ZNF443: variants seen among roughly 807,000 people sequenced by gnomAD.
The protein encoded by ZNF443 is Kruppel-type zinc finger (C2H2).
A neutral mutation model predicts 12.0 loss-of-function variants in ZNF443; 3 were observed. That is an observed-to-expected ratio of 0.25 (90% CI 0.11 to 0.64). The LOEUF (loss-of-function observed/expected upper bound fraction) is 0.64. ZNF443 is among the 30% of genes least tolerant of loss of function. The pLI is 0.84. For synonymous variants in ZNF443, 225 were observed against 265.9 expected, an observed-to-expected ratio of 0.85 and a Z score of 1.50; for missense variants, 770 against 808.8, an observed-to-expected ratio of 0.95 and a Z score of 0.58.
chr19:12,433,674 T>C (rs1480023036), intron 1 of ZNF443, among the ~76,000 whole-genome samples: 1 of 151,856 alleles, frequency 6.6e-6, no homozygotes, highest in African/African-American at 2.4e-5. Context: ...GTGCCTAAAT[T>C]GTTCATGCAA....
At chr19:12,437,424 C>G (rs62110705) in intron 1 of ZNF443, among the ~76,000 whole-genome samples, 47,303 of 144,844 alleles carry the variant, frequency 0.33, 8,172 homozygotes, top group South Asian at 0.47. Context: ...AAAAAAGAAA[C>G]AAAGAAACAA....
At position 12,431,520 on chromosome 19, in the gene ZNF443, TTC is replaced by T; in HGVS notation, c.650_651del (p.Arg217AsnfsTer9). ...TCATATGGTTTCTCTCCAGTGTGCGTTCTTTCATGCATATGTAATAAACTGGG... is the reference window on the plus strand; with the variant it reads ...TCATATGGTTTCTCTCCAGTGTGCGTTTTCATGCATATGTAATAAACTGGG... ...FWPSLLHMHE[R>X]THTGEKPYEC... On this transcript the variant is annotated frameshift_variant, in exon 4 of 4. Coordinates refer to ENST00000301547, the MANE Select transcript of ZNF443 (RefSeq NM_005815.5). LOFTEE classifies it low-confidence loss of function (END_TRUNC). 4 of 1,614,150 alleles carry T rather than the reference TTC, an allele frequency of 2.5e-6. No individual in the cohort carries two copies. Among genetic ancestry groups the T allele is most frequent in the Non-Finnish European group, 3.4e-6 (4 of 1,179,994 alleles).
At chr19:12,432,677 T>G (rs962342011) in intron 2 of ZNF443, among the ~76,000 whole-genome samples, 3 of 139,888 alleles carry the variant, frequency 2.1e-5, no homozygotes, top group African/African-American at 8.4e-5. Context: ...CTACTCAATG[T>G]GAAGACAATG....
rs900909076 is a variant in ZNF443 at position 12,431,346 on chromosome 19, T to G, written c.826A>C (p.Thr276Pro). 6.2e-7 allele frequency: 1 copy of G among 1,614,002 alleles called. No homozygotes were observed. Among genetic ancestry groups the G allele is most frequent in the Non-Finnish European group, 8.5e-7 (1 of 1,179,972 alleles). The change falls in exon 4 of 4, where the codon ACT becomes CCT. Residue 276 changes from threonine (T) to proline (P), a missense_variant. Around this residue, in one of 3 missense-constraint regions of ZNF443, gnomAD observed 736 missense variants for 689.4 expected, o/e 1.07. Coordinates refer to ENST00000301547, the MANE Select transcript of ZNF443 (RefSeq NM_005815.5). ...SSYLRHERTHTGEKPYKCKQC... is the reference protein window; with the variant it reads ...SSYLRHERTHPGEKPYKCKQC... ...TTACATTTATATGGTTTCTCCCCAG[T>G]ATGTGTTCTTTCATGTCTTAGATAG...
chr19:12,440,227 G>C (rs34717142), intron 1 of ZNF443, among the ~76,000 whole-genome samples: 1 of 121,332 alleles, frequency 8.2e-6, no homozygotes, highest in African/African-American at 2.8e-5. Context: ...TTAAACAGGT[G>C]CCCTCAGCCC....
chr19:12,435,515 T>A (rs1292519032), intron 1 of ZNF443, among the ~76,000 whole-genome samples: 1 of 152,290 alleles, frequency 6.6e-6, no homozygotes, highest in South Asian at 2.1e-4. Context: ...GAAAGCCCCA[T>A]GCATGCACAG....
Position 12,430,231 on chromosome 19 carries a change from G to A in ZNF443, c.1941C>T (p.Asn647=). 1 of 1,612,964 alleles carries A rather than the reference G, an allele frequency of 6.2e-7. No individual in the cohort carries two copies. ...TCCCACATTCCTTACATTCATATGGGTTCTCTCCAGTGTGAGTTTTTTTCC... is the reference window on the plus strand; with the variant it reads ...TCCCACATTCCTTACATTCATATGGATTCTCTCCAGTGTGAGTTTTTTTCC... ...THWKKTHTGE[N]PYECKECGKA... is the part of the protein sequence containing the mutation. Residue 647 remains asparagine, a synonymous_variant, in exon 4 of 4, where the codon AAC becomes AAT. Coordinates refer to ENST00000301547, the MANE Select transcript of ZNF443 (RefSeq NM_005815.5).
At position 12,434,866 on chromosome 19, in the gene ZNF443, C is replaced by T. The variant is rs561942884; in HGVS notation, c.4-1669G>A. Among the ~76,000 whole-genome samples, 33 of 151,730 alleles carry T rather than the reference C, an allele frequency of 2.2e-4. 1 individual carries two copies. Among genetic ancestry groups the T allele is most frequent in the East Asian group, 7.8e-4 (4 of 5,158 alleles). ...GAACCCTGAACACTAACTCTAGAGA[C>T]AGCAGATCAGACCTTATTTGCAAAT... On this transcript the variant is annotated intron_variant, in intron 1 of 3. Transcript: ENST00000301547.
chr19:12,432,406 A>T lies in ZNF443; in HGVS notation c.162T>A (p.Asp54Glu). 6.5e-7 allele frequency: 1 copy of T among 1,549,646 alleles called. No homozygotes were observed. The highest frequency in any genetic ancestry group is 1.2e-5 in the South Asian group (1 of 84,554). Residue 54 changes from aspartate (D) to glutamate (E), a missense_variant, in exon 3 of 4, where the codon GAT (aspartate) becomes GAA (glutamate). Transcript: ENST00000301547. ...VMKWKDQNIE[D>E]QYRYPRKNLR... ...GATTTTTCCTGGGATATCTATATTGATCTTCAATGTTCTGGTCTTTCCATT... is the reference window on the plus strand; with the variant it reads ...GATTTTTCCTGGGATATCTATATTGTTCTTCAATGTTCTGGTCTTTCCATT...
Position 12,431,073 on chromosome 19 carries a change from A to C in ZNF443, c.1099T>G (p.Cys367Gly). 6.2e-7 allele frequency: 1 copy of C among 1,614,046 alleles called. No individual in the cohort carries two copies. Among genetic ancestry groups the C allele is most frequent in the Non-Finnish European group, 8.5e-7 (1 of 1,179,982 alleles). ...TCAAAGCCTTTCCCACATATCTTAC[A>C]TTTATGAGGTCCATTTCCAGTGTGC... ...IRHTGNGPHK[C>G]KICGKGFDCP... The change falls in exon 4 of 4, where the codon TGT (cysteine) becomes GGT (glycine). Residue 367 changes from cysteine to glycine, a missense_variant. Physicochemically the swap from Cys to Gly is radical, Grantham distance 159. This residue lies in a region of ZNF443 where 736 missense variants were observed against 689.4 expected (regional missense o/e 1.07). Transcript: ENST00000301547.
At chr19:12,434,943 A>T (rs1970293685) in intron 1 of ZNF443, among the ~76,000 whole-genome samples, 1 of 141,422 alleles carries the variant, frequency 7.1e-6, no homozygotes, top group Non-Finnish European at 1.5e-5. Flanking sequence ...GGTCTGAAAC[A>T]AGGCTGCTTT....
chr19:12,440,058 G>A (rs368306043), intron 1 of ZNF443, among the ~76,000 whole-genome samples: 17 of 152,120 alleles, frequency 1.1e-4, no homozygotes, highest in African/African-American at 3.4e-4. Flanking sequence ...CCTTGGAAAG[G>A]AAGAAAGGAC....
Position 12,431,549 on chromosome 19 carries a change from C to G in ZNF443, c.623G>C (p.Trp208Ser). The change falls in exon 4 of 4, where the codon TGG becomes TCG. Residue 208 changes from tryptophan (W) to serine (S), a missense_variant. This residue lies in a region of ZNF443 where 736 missense variants were observed against 689.4 expected (regional missense o/e 1.07). Coordinates refer to ENST00000301547, the MANE Select transcript of ZNF443 (RefSeq NM_005815.5). ...TTCATGCATATGTAATAAACTGGGC[C>G]AAAAAAACGCTTTCCCACACAACTT... ...KCKLCGKAFF[W>S]PSLLHMHERT... 1.2e-6 allele frequency: 2 copies of G among 1,613,800 alleles called. No individual in the cohort carries two copies. Among genetic ancestry groups the G allele is most frequent in the Non-Finnish European group, 1.7e-6 (2 of 1,179,928 alleles).
At position 12,432,000 on chromosome 19, in the gene ZNF443, T is replaced by G. The variant is rs762120901; in HGVS notation, c.192-20A>C. On this transcript the variant is annotated intron_variant, in intron 3 of 3. Coordinates refer to ENST00000301547, the MANE Select transcript of ZNF443 (RefSeq NM_005815.5). ...CGACATCTGTAAAAAATGGGAAATA[T>G]ATCACTAAAAGTCGGTCTATAAATA... is the stretch of plus-strand genomic sequence containing the variant. The G allele has an allele frequency of 1.3e-6, 2 of 1,524,896 alleles. No homozygotes were observed. Among genetic ancestry groups the G allele is most frequent in the South Asian group, 2.6e-5 (2 of 76,820 alleles). The allele number at this position is 1,524,896 out of a possible 1,614,324, so 94.5% of individuals were successfully genotyped here.
In ZNF443 at chr19:12,430,553, G is replaced by A. The variant is rs535270613; in HGVS notation, c.1619C>T (p.Ala540Val). ...CTTTAAGTTATCATAATGACCGAAG[G>A]CTTTCCTACATGTTTTACACTCATA... Reference protein sequence around the residue: ...KPYECKTCRKAFGHYDNLKVH... With the variant: ...KPYECKTCRKVFGHYDNLKVH... The change falls in exon 4 of 4, where the codon GCC (alanine) becomes GTC (valine). Residue 540 changes from alanine (A) to valine (V), a missense_variant. Coordinates refer to ENST00000301547, the MANE Select transcript of ZNF443 (RefSeq NM_005815.5). 1.2e-6 allele frequency: 2 copies of A among 1,614,018 alleles called. No homozygotes were observed. Among genetic ancestry groups the A allele is most frequent in the South Asian group, 2.2e-5 (2 of 91,078 alleles).
intron 1 of ZNF443, among the ~76,000 whole-genome samples, chr19:12,437,274 G>A (rs1396559929): frequency 6.6e-6 from 1 of 151,796 alleles, no homozygotes; most frequent in Non-Finnish European, 1.5e-5. Context: ...CAGGTGTGGT[G>A]GCCTGCACCT....
rs977515680 is a variant in ZNF443 at position 12,441,010 on chromosome 19, T to C, written c.-96A>G. The C allele has an allele frequency of 6.8e-6, 11 of 1,606,416 alleles. No individual in the cohort carries two copies. In the Admixed American group the frequency reaches 1.4e-4, roughly 20 times the overall value. ...AGGCTGCCTCAGAACTTCCAGGTCG[T>C]CTCTCAGCTACAGAACCCAGAGCCG... On this transcript the variant is annotated 5_prime_UTR_variant, in exon 1 of 4. Transcript: ENST00000301547.
intron 1 of ZNF443, among the ~76,000 whole-genome samples, chr19:12,438,224 T>C (rs1482191976): frequency 6.6e-6 from 1 of 152,204 alleles, no homozygotes; most frequent in Non-Finnish European, 1.5e-5. Flanking sequence ...AAAATACTCA[T>C]GTTTGATGAA....
chr19:12,432,188 G>C, intron 3 of ZNF443, 189 bp downstream of exon 3: 1 of 636,250 alleles, frequency 1.6e-6, no homozygotes, highest in Non-Finnish European at 2.6e-6. Context: ...TCATAATATT[G>C]TTGTCATGGG....
Sources: gnomAD v4.1 joint callset for allele counts (sites outside exome capture counted in the v4.1 genomes callset) on GRCh38, gnomAD v4.1.1 for gene constraint, gnomAD v4.1.1 regional missense constraint, MANE v1.5 for transcripts, NCBI Gene and HGNC (gene_info 2026-07-23, HGNC 2026-07-21) for gene names.